Variants in TMEM108 observed in about 807,000 individuals in gnomAD.
TMEM108 encodes the protein transmembrane protein 108, also known as cancer/testis antigen 124.
TMEM108 carries 12 observed loss-of-function variants against 35.1 expected under a neutral mutation model. That is an observed-to-expected ratio of 0.34 (90% CI 0.22 to 0.55). The LOEUF (loss-of-function observed/expected upper bound fraction) is 0.55, where lower values mean the gene tolerates loss of function less well. TMEM108 is among the 20% of genes least tolerant of loss of function. TMEM108 has a pLI of 0.89. For synonymous variants in TMEM108, 287 were observed against 308.6 expected, an observed-to-expected ratio of 0.93 and a Z score of 0.73; for missense variants, 680 against 753.3, an observed-to-expected ratio of 0.90 and a Z score of 1.14.
At chr3:133,177,551 A>G (rs943759122) in intron 2 of TMEM108, among the ~76,000 whole-genome samples, 14 of 152,332 alleles carry the variant, frequency 9.2e-5, no homozygotes, top group African/African-American at 3.1e-4. Context: ...TATAAACAGA[A>G]CCAACGACAA....
chr3:133,176,855 C>CA (rs1434441972), intron 2 of TMEM108, among the ~76,000 whole-genome samples: 1 of 151,716 alleles, frequency 6.6e-6, no homozygotes, highest in Non-Finnish European at 1.5e-5. Flanking sequence ...AAAAACCCTT[C>CA]AAAAAATCAA....
At chr3:133,281,657 G>A (rs142619991) in intron 3 of TMEM108, among the ~76,000 whole-genome samples, 2 of 152,316 alleles carry the variant, frequency 1.3e-5, no homozygotes, top group East Asian at 1.9e-4. Flanking sequence ...AGTGAGCAGC[G>A]GAGGGCTGGT....
At chr3:133,210,636 A>T (rs941259714) in intron 2 of TMEM108, among the ~76,000 whole-genome samples, 1 of 152,236 alleles carries the variant, frequency 6.6e-6, no homozygotes, top group African/African-American at 2.4e-5. Context: ...ATATAAAGCT[A>T]TTGTATTATT....
At chr3:133,087,870 C>A (rs1943902558) in intron 2 of TMEM108, among the ~76,000 whole-genome samples, 1 of 152,190 alleles carries the variant, frequency 6.6e-6, no homozygotes, top group African/African-American at 2.4e-5. Flanking sequence ...TCCAGGAGGG[C>A]AGCCTCTGTC....
chr3:133,087,133 C>G (rs576851049), intron 2 of TMEM108, among the ~76,000 whole-genome samples: 44 of 152,280 alleles, frequency 2.9e-4, no homozygotes, highest in Non-Finnish European at 5.9e-4. Context: ...GTAACTCAGC[C>G]TAGACTTCTT....
intron 3 of TMEM108, among the ~76,000 whole-genome samples, chr3:133,335,450 A>T (rs1334647511): frequency 1.3e-5 from 2 of 152,244 alleles, no homozygotes; most frequent in Non-Finnish European, 2.9e-5. Context: ...AAAAGTTGCA[A>T]TCCACAATGA....
intron 4 of TMEM108, chr3:133,386,696 A>G: frequency 7.2e-7 from 1 of 1,390,702 alleles, no homozygotes; most frequent in Non-Finnish European, 9.3e-7. Flanking sequence ...TAAATGGGAA[A>G]GGGAACAGTT....
At chr3:133,287,637 T>C (rs1052067721) in intron 3 of TMEM108, among the ~76,000 whole-genome samples, 6 of 152,194 alleles carry the variant, frequency 3.9e-5, no homozygotes, top group African/African-American at 1.4e-4. Context: ...AGAGAAGATA[T>C]GTTGATAAGA....
intron 3 of TMEM108, chr3:133,303,418 T>C (rs1472379118): frequency 6.6e-6 from 1 of 152,112 alleles, no homozygotes; most frequent in Non-Finnish European, 1.5e-5. Flanking sequence ...CTTATCAAGG[T>C]TTTCCATAAA....
chr3:133,345,140 C>T (rs2071777262), intron 3 of TMEM108, among the ~76,000 whole-genome samples: 1 of 151,604 alleles, frequency 6.6e-6, no homozygotes, highest in Admixed American at 6.6e-5. Flanking sequence ...ACATGCACAC[C>T]CAACAAACTT....
chr3:133,068,995 A>C (rs1943644598), intron 2 of TMEM108, among the ~76,000 whole-genome samples: 2 of 152,074 alleles, frequency 1.3e-5, no homozygotes, highest in Admixed American at 1.3e-4. Context: ...AAGCAGGACA[A>C]AACAGTGTAC....
At position 133,110,593 on chromosome 3, in the gene TMEM108, AT is replaced by A. The variant is rs1280548341; in HGVS notation, c.-47+64574del. Among the ~76,000 whole-genome samples the A allele has an allele frequency of 9.2e-5, 14 of 152,262 alleles. 1 individual carries two copies. Among genetic ancestry groups the A allele is most frequent in the African/African-American group, 3.1e-4 (13 of 41,556 alleles). ...TGGGTGACCTGCATCTTGTTGTCAC[AT>A]AGCCAGAGAGTATTGTGAATCCATT... On this transcript the variant is annotated intron_variant, in intron 2 of 5. Transcript: ENST00000321871.
chr3:133,082,856 A>G (rs753248710), intron 2 of TMEM108, among the ~76,000 whole-genome samples: 32 of 152,010 alleles, frequency 2.1e-4, no homozygotes, highest in Non-Finnish European at 4.3e-4. Flanking sequence ...GTCTCCCTCT[A>G]TCGTCCAGGC....
intron 3 of TMEM108, among the ~76,000 whole-genome samples, chr3:133,329,159 C>T (rs2071364955): frequency 6.6e-6 from 1 of 151,850 alleles, no homozygotes; most frequent in African/African-American, 2.4e-5. Flanking sequence ...AACACTAGTA[C>T]TTTGTGAAAA....
intron 3 of TMEM108, among the ~76,000 whole-genome samples, chr3:133,345,272 A>G (rs973999996): frequency 3.3e-5 from 5 of 151,952 alleles, no homozygotes; most frequent in African/African-American, 1.2e-4. Context: ...ATTAATCCAT[A>G]GATTGCCATT....
intron 3 of TMEM108, among the ~76,000 whole-genome samples, chr3:133,282,266 G>C (rs778220345): frequency 1.3e-5 from 2 of 152,134 alleles, no homozygotes; most frequent in African/African-American, 2.4e-5. Context: ...TCTGCCAAAC[G>C]TACTTTTGCT....
At chr3:133,146,777 G>T (rs1472283338) in intron 2 of TMEM108, among the ~76,000 whole-genome samples, 2 of 152,000 alleles carry the variant, frequency 1.3e-5, no homozygotes, top group Non-Finnish European at 2.9e-5. Flanking sequence ...ATTTTCTGAT[G>T]GTAGTTTGTA....
intron 3 of TMEM108, among the ~76,000 whole-genome samples, chr3:133,357,718 C>A (rs1211482762): frequency 1.3e-5 from 2 of 152,118 alleles, no homozygotes; most frequent in Non-Finnish European, 2.9e-5. Flanking sequence ...TAAGTGGCAG[C>A]TAAGCTATGA....
intron 3 of TMEM108, chr3:133,248,397 C>T (rs1946417282): frequency 1.3e-5 from 2 of 152,192 alleles, no homozygotes; most frequent in Admixed American, 6.5e-5. Context: ...AGTATATTTT[C>T]CAGAATCCCA....
Sources: allele counts gnomAD v4.1 joint callset (sites outside exome capture counted in the v4.1 genomes callset), GRCh38; gene constraint gnomAD v4.1.1; transcripts MANE v1.5; gene names NCBI Gene and HGNC (gene_info 2026-07-23, HGNC 2026-07-21).